Variants in GJB7 observed in about 807,000 individuals in gnomAD.
GJB7 encodes gap junction protein beta 7.
For missense variants in GJB7, 253 were observed against 256.8 expected (o/e 0.99, Z 0.10); for synonymous variants, 87 against 95.2 (o/e 0.91, Z 0.50).
At chr6:87,302,391 C>T (rs1776346018) in intron 2 of GJB7, among the ~76,000 whole-genome samples, 1 of 152,170 alleles carries the variant, frequency 6.6e-6, no homozygotes, top group Non-Finnish European at 1.5e-5. Flanking sequence ...GCACAAGCTT[C>T]AGTAGCCAAT....
intron 2 of GJB7, among the ~76,000 whole-genome samples, chr6:87,297,198 GTA>G (rs931543825): frequency 6.6e-6 from 1 of 152,192 alleles, no homozygotes; most frequent in African/African-American, 2.4e-5. Context: ...TTAGTGAGGT[GTA>G]TTTATGTGGT....
At chr6:87,319,278 T>G (rs146253818) in intron 2 of GJB7, among the ~76,000 whole-genome samples, 1 of 152,346 alleles carries the variant, frequency 6.6e-6, no homozygotes, top group African/African-American at 2.4e-5. Context: ...CAAAAATGAC[T>G]AAACACGTCC....
intron 2 of GJB7, among the ~76,000 whole-genome samples, chr6:87,296,096 G>C (rs1386386602): frequency 6.6e-6 from 1 of 152,210 alleles, no homozygotes; most frequent in Non-Finnish European, 1.5e-5. Flanking sequence ...AAAACATTTA[G>C]AGCCAACTAA....
chr6:87,319,778 G>A (rs1582569733), intron 2 of GJB7, among the ~76,000 whole-genome samples: 1 of 152,280 alleles, frequency 6.6e-6, no homozygotes, highest in South Asian at 2.1e-4. Context: ...CAATCTAAGT[G>A]TCCATCGACA....
intron 2 of GJB7, among the ~76,000 whole-genome samples, chr6:87,319,059 A>G (rs1349657738): frequency 6.6e-6 from 1 of 152,232 alleles, no homozygotes; most frequent in East Asian, 1.9e-4. Context: ...GGAACCCCAG[A>G]TTAAAATAGA....
chr6:87,301,216 C>T (rs371631311), intron 2 of GJB7, among the ~76,000 whole-genome samples: 1 of 152,036 alleles, frequency 6.6e-6, no homozygotes, highest in East Asian at 1.9e-4. Flanking sequence ...AAGTGTGAGC[C>T]AAAGCAGGGT....
intron 2 of GJB7, among the ~76,000 whole-genome samples, chr6:87,303,320 G>A (rs1335350813): frequency 6.6e-6 from 1 of 152,070 alleles, no homozygotes. Flanking sequence ...CAAAATAAAG[G>A]GATGGAGGAA....
intron 2 of GJB7, among the ~76,000 whole-genome samples, chr6:87,286,056 G>A (rs1245577312): frequency 2.0e-5 from 3 of 151,900 alleles, no homozygotes; most frequent in South Asian, 2.1e-4. Flanking sequence ...TTTCATCTTC[G>A]TTTTTGTTGT....
At chr6:87,307,179 A>G (rs907912984) in intron 2 of GJB7, among the ~76,000 whole-genome samples, 15 of 151,218 alleles carry the variant, frequency 9.9e-5, no homozygotes, top group African/African-American at 3.4e-4. Flanking sequence ...TATAATAATA[A>G]AATTTAAAAA....
intron 2 of GJB7, among the ~76,000 whole-genome samples, chr6:87,302,492 G>T (rs1776347921): frequency 6.6e-6 from 1 of 152,168 alleles, no homozygotes; most frequent in Non-Finnish European, 1.5e-5. Flanking sequence ...ACAGTAAAAA[G>T]AAATGAACAA....
chr6:87,285,000 T>A, intron 2 of GJB7, 61 bp from the exon 3 acceptor site: 1 of 1,035,972 alleles, frequency 9.7e-7, no homozygotes, highest in Non-Finnish European at 1.4e-6. Flanking sequence ...TCGTTTCTAC[T>A]ATTTGAGGGA....
Position 87,284,738 on chromosome 6 carries a change from C to A in GJB7, c.175G>T (p.Gly59Cys). The A allele has an allele frequency of 6.2e-7, 1 of 1,614,104 alleles. No homozygotes were observed. The highest frequency in any genetic ancestry group is 8.5e-7 in the Non-Finnish European group (1 of 1,180,018). Residue 59 changes from glycine (G) to cysteine (C), a missense_variant, in exon 3 of 3, where the codon GGT (glycine) becomes TGT (cysteine). By Grantham distance (159) the Gly-to-Cys change is radical. Transcript: ENST00000525899. ...TCATCAAAACACACATTTTTGCAACCGGGCTGTCTACTGTTGCACTCAAAC... is the reference window on the plus strand; with the variant it reads ...TCATCAAAACACACATTTTTGCAACAGGGCTGTCTACTGTTGCACTCAAAC... ...KEFECNSRQP[G>C]CKNVCFDDFF...
chr6:87,310,729 C>A (rs1776504189), intron 2 of GJB7, among the ~76,000 whole-genome samples: 2 of 152,100 alleles, frequency 1.3e-5, no homozygotes, highest in African/African-American at 2.4e-5. Context: ...AAAACAGGTA[C>A]TTTGTAAAAA....
chr6:87,303,832 A>T (rs142538672), intron 2 of GJB7, among the ~76,000 whole-genome samples: 1 of 152,346 alleles, frequency 6.6e-6, no homozygotes, highest in East Asian at 1.9e-4. Context: ...TGTTTCTCAG[A>T]CCACAGCACA....
intron 2 of GJB7, among the ~76,000 whole-genome samples, chr6:87,319,820 A>G (rs1300878353): frequency 6.6e-6 from 1 of 152,254 alleles, no homozygotes; most frequent in Admixed American, 6.5e-5. Context: ...TGGTACATAT[A>G]CACAACAGAG....
intron 2 of GJB7, among the ~76,000 whole-genome samples, chr6:87,312,568 A>G (rs2127908216): frequency 6.6e-6 from 1 of 152,186 alleles, no homozygotes; most frequent in East Asian, 1.9e-4. Context: ...TAAGTTTAGC[A>G]CCAGTTTATG....
At chr6:87,314,686 GTTACT>G (rs1776556762) in intron 2 of GJB7, among the ~76,000 whole-genome samples, 1 of 152,120 alleles carries the variant, frequency 6.6e-6, no homozygotes, top group South Asian at 2.1e-4. Flanking sequence ...CAATGCATTG[GTTACT>G]TCACTTCACC....
At position 87,327,874 on chromosome 6, in the gene GJB7, C is replaced by T. The variant is rs558188104; in HGVS notation, c.-206+1264G>A. 5.8e-3 allele frequency among the ~76,000 whole-genome samples: 861 copies of T among 149,566 alleles called. 7 individuals are homozygous for T. Among genetic ancestry groups the T allele is most frequent in the African/African-American group, 0.02 (811 of 40,278 alleles). On this transcript the variant is annotated intron_variant, in intron 1 of 2. Transcript: ENST00000525899. Reference sequence around the variant, plus strand: ...TTTTCCAACTTGGTTCCATTCTCCCCGTCACTTTCAGGTACACCAATCAGA... The same window carrying T: ...TTTTCCAACTTGGTTCCATTCTCCCTGTCACTTTCAGGTACACCAATCAGA...
intron 2 of GJB7, among the ~76,000 whole-genome samples, chr6:87,289,288 C>T (rs1582553847): frequency 6.6e-6 from 1 of 152,126 alleles, no homozygotes; most frequent in East Asian, 1.9e-4. Context: ...TTTTTTCCCT[C>T]ATGCCACTTA....
Sources: allele counts gnomAD v4.1 joint callset (sites outside exome capture counted in the v4.1 genomes callset), GRCh38; gene constraint gnomAD v4.1.1; transcripts MANE v1.5; gene names NCBI Gene and HGNC (gene_info 2026-07-23, HGNC 2026-07-21).